The following ZC3H12A variants were observed in gnomAD, a reference collection of about 807,000 sequenced individuals.
ZC3H12A encodes the protein zinc finger CCCH-type containing 12A, also known as endoribonuclease ZC3H12A.
A neutral mutation model predicts 29.9 loss-of-function variants in ZC3H12A; 9 were observed. The ratio of observed to expected loss-of-function variants is 0.30; its 90% CI spans 0.18 to 0.53. The LOEUF is 0.53. ZC3H12A is among the 20% of genes least tolerant of loss of function. The pLI is 0.96. For synonymous variants in ZC3H12A, 323 were observed against 338.1 expected, an observed-to-expected ratio of 0.96 and a Z score of 0.49; for missense variants, 617 against 799.0, an observed-to-expected ratio of 0.77 and a Z score of 2.75.
chr1:37,479,899 C>T lies in ZC3H12A; in HGVS notation c.444-391C>T. On this transcript the variant is annotated intron_variant, in intron 2 of 5. Transcript: ENST00000373087. The surrounding 1 kb of genome is among the most constrained non-coding windows in gnomAD (Gnocchi z 4.5). ...GCCGGGTGGGGCAGGAACCAGAAGT[C>T]TCGCGGCACCTTTCCCCCACCCCCA... The T allele has an allele frequency of 2.0e-6, 2 of 1,012,142 alleles. No homozygotes were observed. Among genetic ancestry groups the T allele is most frequent in the Non-Finnish European group, 2.4e-6 (2 of 845,854 alleles). 62.7% of individuals were successfully genotyped at this position (1,012,142 alleles called of 1,614,324 possible).
Position 37,479,144 on chromosome 1 carries a change from C to T in ZC3H12A, c.444-1146C>T. 1.0e-6 allele frequency: 1 copy of T among 985,456 alleles called. No individual in the cohort carries two copies. Among genetic ancestry groups the T allele is most frequent in the Non-Finnish European group, 1.2e-6 (1 of 829,928 alleles). 61.0% of individuals were successfully genotyped at this position (985,456 alleles called of 1,614,324 possible). A position where few individuals can be genotyped will look rare whatever the true frequency, so the allele number is the denominator to read the frequency against. On this transcript the variant is annotated intron_variant, in intron 2 of 5. Transcript: ENST00000373087. This position sits in a 1 kb window ranked among gnomAD's most constrained non-coding sequence, Gnocchi z 4.5. ...TGTTTTATTTGCCAAATACGAGAGT[C>T]TAAGCTGTTCACTGAGGGGGCAGTG...
In ZC3H12A at chr1:37,480,981, C is replaced by T. The variant is rs549519095; in HGVS notation, c.583+552C>T. Among the ~76,000 whole-genome samples the T allele has an allele frequency of 7.1e-4, 108 of 152,338 alleles. 1 individual carries two copies. Among genetic ancestry groups the T allele is most frequent in the Admixed American group, 1.0e-3 (16 of 15,312 alleles). On this transcript the variant is annotated intron_variant, in intron 3 of 5. Coordinates refer to ENST00000373087, the MANE Select transcript of ZC3H12A (RefSeq NM_025079.3). The stretch of plus-strand genomic sequence containing the variant: ...ATGTTAGCTGTTACCACTGTTCTTG[C>T]AAGAGCCCCCAGCCTTTGGAGGTAA...
Position 37,482,727 on chromosome 1 carries a change from C to G in ZC3H12A, c.926-10C>G. 4.3e-6 allele frequency: 7 copies of G among 1,613,680 alleles called. No homozygotes were observed. Among genetic ancestry groups the G allele is most frequent in the Non-Finnish European group, 5.9e-6 (7 of 1,180,028 alleles). Reference sequence around the variant, plus strand: ...CCCCTGCTTAGAGTCCCTCTTGATTCCTCTTCCAGGAAGGAAATGCACCTA... The same window carrying G: ...CCCCTGCTTAGAGTCCCTCTTGATTGCTCTTCCAGGAAGGAAATGCACCTA... On this transcript the variant is annotated splice_polypyrimidine_tract_variant and intron_variant, in intron 5 of 5. Transcript: ENST00000373087.
Position 37,482,857 on chromosome 1 carries a change from C to G in ZC3H12A, c.1046C>G (p.Pro349Arg). 3 of 1,613,978 alleles carry G rather than the reference C, an allele frequency of 1.9e-6. No individual in the cohort carries two copies. The highest frequency in any genetic ancestry group is 2.2e-5 in the East Asian group (1 of 44,884). Residue 349 changes from proline to arginine, a missense_variant, in exon 6 of 6, where the codon CCA (proline) becomes CGA (arginine). Coordinates refer to ENST00000373087, the MANE Select transcript of ZC3H12A (RefSeq NM_025079.3). ...ANALLSPPRA[P>R]SKDKNGRRPS... The stretch of plus-strand genomic sequence containing the variant: ...GCTCTCCTCTCACCCCCCAGAGCCC[C>G]AAGCAAGGACAAAAATGGCCGGCGG...
chr1:37,475,900 T>C lies in ZC3H12A; in HGVS notation c.404T>C (p.Leu135Pro). 6.5e-7 allele frequency: 1 copy of C among 1,532,030 alleles called. No homozygotes were observed. Among genetic ancestry groups the C allele is most frequent in the African/African-American group, 1.4e-5 (1 of 72,682 alleles). 94.9% of individuals were successfully genotyped at this position (1,532,030 alleles called of 1,614,324 possible). The part of the protein sequence containing the change: ...LPEEEKEGSD[L>P]RPVVIDGSNV... ...GAAGAGGAAAAGGAGGGCAGCGACC[T>C]GAGACCAGTGGTCATCGATGGGAGC... The change falls in exon 2 of 6, where the codon CTG becomes CCG. Residue 135 changes from leucine to proline, a missense_variant. This residue lies in a region of ZC3H12A where 255 missense variants were observed against 402.5 expected (regional missense o/e 0.63). Coordinates refer to ENST00000373087, the MANE Select transcript of ZC3H12A (RefSeq NM_025079.3). The surrounding 1 kb of genome is among the most constrained non-coding windows in gnomAD (Gnocchi z 5.2).
At chr1:37,480,099 C>A in intron 2 of ZC3H12A, 191 bp from the exon 3 acceptor site, 2 of 1,305,910 alleles carry the variant, frequency 1.5e-6, no homozygotes, top group Non-Finnish European at 2.0e-6. Context: ...TGGGCCCCAC[C>A]TGCAGAGGGC....
chr1:37,482,398 C>A, intron 4 of ZC3H12A, 36 bp from the exon 5 acceptor site: 1 of 1,564,306 alleles, frequency 6.4e-7, no homozygotes, highest in South Asian at 1.1e-5. Context: ...CCCTGCATGG[C>A]TCCCACCTCC....
Position 37,483,464 on chromosome 1 carries a change from G to C in ZC3H12A, c.1653G>C (p.Lys551Asn), listed in dbSNP as rs1569930983. Reference sequence around the variant, plus strand: ...GGGGCAGGGCAGGCAGCCTGGCCAAGGAGCAGGCCAGCGTGTATACTAAGC... The same window carrying C: ...GGGGCAGGGCAGGCAGCCTGGCCAACGAGCAGGCCAGCGTGTATACTAAGC... ...SPWGRAGSLAKEQASVYTKLC... is the reference protein window; with the variant it reads ...SPWGRAGSLANEQASVYTKLC... The change falls in exon 6 of 6, where the codon AAG becomes AAC. Residue 551 changes from lysine to asparagine, a missense_variant. Lys to Asn is a moderately conservative substitution (Grantham distance 94). Coordinates refer to ENST00000373087, the MANE Select transcript of ZC3H12A (RefSeq NM_025079.3). 1 of 1,614,042 alleles carries C rather than the reference G, an allele frequency of 6.2e-7. No homozygotes were observed. The highest frequency in any genetic ancestry group is 8.5e-7 in the Non-Finnish European group (1 of 1,179,954).
rs369572295 is a variant in ZC3H12A at position 37,483,437 on chromosome 1, G to A, written c.1626G>A (p.Pro542=). Residue 542 remains proline, a synonymous_variant, in exon 6 of 6, where the codon CCG becomes CCA. Transcript: ENST00000373087. ...PVQSPGAGRS[P]WGRAGSLAKE... is the part of the protein sequence containing the mutation. Reference sequence around the variant, plus strand: ...AGAGCCCAGGGGCTGGCAGGAGCCCGTGGGGCAGGGCAGGCAGCCTGGCCA... The same window carrying A: ...AGAGCCCAGGGGCTGGCAGGAGCCCATGGGGCAGGGCAGGCAGCCTGGCCA... 5.9e-5 allele frequency: 96 copies of A among 1,614,010 alleles called. 1 individual carries two copies. Among genetic ancestry groups the A allele is most frequent in the African/African-American group, 3.3e-4 (25 of 75,048 alleles).
In ZC3H12A at chr1:37,475,890, G is replaced by A. The variant is rs1641578891; in HGVS notation, c.394G>A (p.Gly132Ser). 4 of 1,539,092 alleles carry A rather than the reference G, an allele frequency of 2.6e-6. No individual in the cohort carries two copies. The highest frequency in any genetic ancestry group is 1.2e-5 in the South Asian group (1 of 80,282). Reference sequence around the variant, plus strand: ...TCCACTCCCAGAAGAGGAAAAGGAGGGCAGCGACCTGAGACCAGTGGTCAT... The same window carrying A: ...TCCACTCCCAGAAGAGGAAAAGGAGAGCAGCGACCTGAGACCAGTGGTCAT... ...EPPLPEEEKEGSDLRPVVIDG... is the reference protein window; with the variant it reads ...EPPLPEEEKESSDLRPVVIDG... Residue 132 changes from glycine to serine, a missense_variant, in exon 2 of 6, where the codon GGC becomes AGC. By Grantham distance (56) the Gly-to-Ser change is moderately conservative (BLOSUM62 0). Around this residue, in one of 5 missense-constraint regions of ZC3H12A, gnomAD observed 255 missense variants for 402.5 expected, o/e 0.63. Transcript: ENST00000373087. This position sits in a 1 kb window ranked among gnomAD's most constrained non-coding sequence, Gnocchi z 5.2.
In ZC3H12A at chr1:37,482,803, G is replaced by A. The variant is rs772037562; in HGVS notation, c.992G>A (p.Arg331His). The change falls in exon 6 of 6, where the codon CGC (arginine) becomes CAC (histidine). Residue 331 changes from arginine to histidine, a missense_variant. This residue lies in a region of ZC3H12A where 255 missense variants were observed against 402.5 expected (regional missense o/e 0.63). Coordinates refer to ENST00000373087, the MANE Select transcript of ZC3H12A (RefSeq NM_025079.3). ...FHPERPSCPQ[R>H]SVADELRANA... ...CCAGAGCGGCCAAGCTGCCCCCAGCGCTCTGTGGCAGATGAGCTCCGTGCC... is the reference window on the plus strand; with the variant it reads ...CCAGAGCGGCCAAGCTGCCCCCAGCACTCTGTGGCAGATGAGCTCCGTGCC... 3 of 1,614,016 alleles carry A rather than the reference G, an allele frequency of 1.9e-6. No individual in the cohort carries two copies. The South Asian group carries it at 3.3e-5, about 18-fold the overall frequency.
At position 37,479,293 on chromosome 1, in the gene ZC3H12A, T is replaced by A. The variant is rs1411768231; in HGVS notation, c.444-997T>A. 1 of 985,292 alleles carries A rather than the reference T, an allele frequency of 1.0e-6. No homozygotes were observed. Among genetic ancestry groups the A allele is most frequent in the Admixed American group, 6.1e-5 (1 of 16,270 alleles). The allele number at this position is 985,292 out of a possible 1,614,324, so 61.0% of individuals were successfully genotyped here. A position where few individuals can be genotyped will look rare whatever the true frequency, so the allele number is the denominator to read the frequency against. On this transcript the variant is annotated intron_variant, in intron 2 of 5. Transcript: ENST00000373087. The surrounding 1 kb of genome is among the most constrained non-coding windows in gnomAD (Gnocchi z 4.5). ...AACCCCTACTTTGCAGGGCCATCTT[T>A]GGCCTGAAGCCACCAGGAAAGCTGT...
rs569478936 is a variant in ZC3H12A, at chr1:37,480,193, G to A, written c.444-97G>A. 9.8e-6 allele frequency: 15 copies of A among 1,522,848 alleles called. No homozygotes were observed. In the African/African-American group the frequency reaches 1.9e-4, roughly 20 times the overall value. The allele number at this position is 1,522,848 out of a possible 1,614,324, so 94.3% of individuals were successfully genotyped here. A position where few individuals can be genotyped will look rare whatever the true frequency, so the allele number is the denominator to read the frequency against. On this transcript the variant is annotated intron_variant, in intron 2 of 5. Coordinates refer to ENST00000373087, the MANE Select transcript of ZC3H12A (RefSeq NM_025079.3). ...GCTCACTACCACCACCAAAGCCAGG[G>A]CAGGGGTGGGGTGTGACCACCTCCC...
At position 37,475,433 on chromosome 1, in the gene ZC3H12A, C is replaced by G; in HGVS notation, c.-38-26C>G. On this transcript the variant is annotated intron_variant, in intron 1 of 5. Coordinates refer to ENST00000373087, the MANE Select transcript of ZC3H12A (RefSeq NM_025079.3). The surrounding 1 kb of genome is among the most constrained non-coding windows in gnomAD (Gnocchi z 5.2). ...GAGGTTAGGAGAGAGCGCTATTCACCGTCCCTAACCCTGTTGGTTGTTCAG... is the reference window on the plus strand; with the variant it reads ...GAGGTTAGGAGAGAGCGCTATTCACGGTCCCTAACCCTGTTGGTTGTTCAG... 1 of 1,515,378 alleles carries G rather than the reference C, an allele frequency of 6.6e-7. No individual in the cohort carries two copies. Among genetic ancestry groups the G allele is most frequent in the Non-Finnish European group, 8.9e-7 (1 of 1,129,868 alleles). 93.9% of individuals were successfully genotyped at this position (1,515,378 alleles called of 1,614,324 possible). A position where few individuals can be genotyped will look rare whatever the true frequency, so the allele number is the denominator to read the frequency against.
At position 37,482,921 on chromosome 1, in the gene ZC3H12A, G is replaced by T. The variant is rs150553516; in HGVS notation, c.1110G>T (p.Glu370Asp). 2 of 1,613,618 alleles carry T rather than the reference G, an allele frequency of 1.2e-6. No homozygotes were observed. The highest frequency in any genetic ancestry group is 1.3e-5 in the African/African-American group (1 of 74,942). ...PSSQSSSLLTESEQCSLDGKK... is the reference protein window; with the variant it reads ...PSSQSSSLLTDSEQCSLDGKK... ...CCCAGTCCAGCTCTCTGCTAACAGA[G>T]AGTGAGCAGTGCAGCCTGGATGGGA... Residue 370 changes from glutamate (E) to aspartate (D), a missense_variant, in exon 6 of 6, where the codon GAG becomes GAT. Glu to Asp is a conservative substitution (Grantham distance 45). Coordinates refer to ENST00000373087, the MANE Select transcript of ZC3H12A (RefSeq NM_025079.3).
chr1:37,476,104 G>A lies in ZC3H12A; in HGVS notation c.443+165G>A, dbSNP rs146769330. 6.6e-4 allele frequency among the ~76,000 whole-genome samples: 101 copies of A among 152,256 alleles called. No individual in the cohort carries two copies. Among genetic ancestry groups the A allele is most frequent in the East Asian group, 6.6e-3 (34 of 5,174 alleles). ...GAAAGCCTTTTATGAGGCTAGGGTC[G>A]CGCTACTGGTAAGTGACAGAGGCAG... On this transcript the variant is annotated intron_variant, in intron 2 of 5. Transcript: ENST00000373087. This position sits in a 1 kb window ranked among gnomAD's most constrained non-coding sequence, Gnocchi z 6.0.
At chr1:37,481,445 C>T (rs1641699430) in intron 3 of ZC3H12A, among the ~76,000 whole-genome samples, 156 bp from the exon 4 acceptor site, 1 of 150,258 alleles carries the variant, frequency 6.7e-6, no homozygotes, top group South Asian at 2.1e-4. Flanking sequence ...AAGGGAGGGG[C>T]TGGGGCATGG....
intron 2 of ZC3H12A, among the ~76,000 whole-genome samples, chr1:37,477,160 T>A (rs1178958114): frequency 6.6e-6 from 1 of 152,220 alleles, no homozygotes; most frequent in Non-Finnish European, 1.5e-5. Flanking sequence ...CAGCCCATGC[T>A]TCGAGATTAG....
Position 37,483,025 on chromosome 1 carries a change from T to G in ZC3H12A, c.1214T>G (p.Leu405Arg). The change falls in exon 6 of 6, where the codon CTC (leucine) becomes CGC (arginine). Residue 405 changes from leucine to arginine, a missense_variant. Leu to Arg is a moderately radical substitution (Grantham distance 102). Transcript: ENST00000373087. ...ACCTATGCCCCATCAGGCAGGAGCC[T>G]CGCACCTAGCGGGGGCAGTGGCAGC... is the stretch of plus-strand genomic sequence containing the variant. The part of the protein sequence containing the change: ...TQTYAPSGRS[L>R]APSGGSGSSF... The G allele has an allele frequency of 1.2e-6, 2 of 1,607,636 alleles. No homozygotes were observed. Among genetic ancestry groups the G allele is most frequent in the Non-Finnish European group, 1.7e-6 (2 of 1,177,288 alleles).
Sources: gnomAD v4.1 joint callset for allele counts (sites outside exome capture counted in the v4.1 genomes callset) on GRCh38, gnomAD v4.1.1 for gene constraint, gnomAD v4.1.1 regional missense constraint, Gnocchi (gnomAD v3.1) non-coding constraint, MANE v1.5 for transcripts, NCBI Gene and HGNC (gene_info 2026-07-23, HGNC 2026-07-21) for gene names.